The following C1QTNF2 variants were observed in gnomAD, a reference collection of about 807,000 sequenced individuals.
The protein encoded by C1QTNF2 is C1q and TNF related 2.
In C1QTNF2, 15 loss-of-function variants were observed where a neutral mutation model predicts 17.4. The ratio of observed to expected loss-of-function variants is 0.86; its 90% CI spans 0.58 to 1.33. The LOEUF (loss-of-function observed/expected upper bound fraction) is 1.33. Among genes scored for constraint, C1QTNF2 ranks in the 40% most tolerant of loss-of-function variants. C1QTNF2 has a pLI of 0.00. For missense variants in C1QTNF2, 381 were observed against 392.3 expected, an observed-to-expected ratio of 0.97 and a Z score of 0.24; for synonymous variants, 154 against 163.3, an observed-to-expected ratio of 0.94 and a Z score of 0.44.
At chr5:160,359,745 C>T (rs1273791045) in intron 1 of C1QTNF2, among the ~76,000 whole-genome samples, 1 of 152,192 alleles carries the variant, frequency 6.6e-6, no homozygotes, top group East Asian at 1.9e-4. Flanking sequence ...CCATAAGCCC[C>T]TCTGGTGTGT....
At chr5:160,362,058 TA>T (rs1764164909) in intron 1 of C1QTNF2, among the ~76,000 whole-genome samples, 2 of 152,196 alleles carry the variant, frequency 1.3e-5, no homozygotes, top group African/African-American at 4.8e-5. Flanking sequence ...AGCTGTTGAA[TA>T]ACCTTGAATG....
At chr5:160,350,971 T>C (rs1053123549) in intron 2 of C1QTNF2, among the ~76,000 whole-genome samples, 3 of 152,104 alleles carry the variant, frequency 2.0e-5, no homozygotes, top group Non-Finnish European at 4.4e-5. Context: ...AGGATGGTCT[T>C]AAACTCCTGA....
chr5:160,349,608 G>A lies in C1QTNF2; in HGVS notation c.418C>T (p.Pro140Ser), dbSNP rs778090670. 9 of 1,613,410 alleles carry A rather than the reference G, an allele frequency of 5.6e-6. No homozygotes were observed. Among genetic ancestry groups the A allele is most frequent in the South Asian group, 1.1e-5 (1 of 91,076 alleles). Residue 140 changes from proline (P) to serine (S), a missense_variant, in exon 3 of 3, where the codon CCC (proline) becomes TCC (serine). By Grantham distance (74) the Pro-to-Ser change is moderately conservative. Transcript: ENST00000652664. The surrounding 1 kb of genome is among the most constrained non-coding windows in gnomAD (Gnocchi z 4.3). ...GKKGEPGLPG[P>S]CSCGSGHTKS... ...GTATGGCCACTGCCACAGCTGCAGG[G>A]GCCTGGGAGGCCTGGCTCCCCCTTC...
At chr5:160,360,942 G>A (rs998541286) in intron 1 of C1QTNF2, among the ~76,000 whole-genome samples, 1 of 151,902 alleles carries the variant, frequency 6.6e-6, no homozygotes, top group African/African-American at 2.4e-5. Flanking sequence ...CTACAGGTGC[G>A]CACCACCATG....
Position 160,370,496 on chromosome 5 carries a change from G to T in C1QTNF2, c.-10+16C>A. On this transcript the variant is annotated intron_variant, in intron 1 of 2. Coordinates refer to ENST00000652664, the MANE Select transcript of C1QTNF2 (RefSeq NM_031908.6). ...GCACTTGCCGCCCCCGCCCGACCGCGGTGCGGGACACTCACCCTCGCGGCT... is the reference window on the plus strand; with the variant it reads ...GCACTTGCCGCCCCCGCCCGACCGCTGTGCGGGACACTCACCCTCGCGGCT... 1 of 1,435,302 alleles carries T rather than the reference G, an allele frequency of 7.0e-7. No homozygotes were observed. Among genetic ancestry groups the T allele is most frequent in the Non-Finnish European group, 9.1e-7 (1 of 1,100,924 alleles). The allele number at this position is 1,435,302 out of a possible 1,614,324, so 88.9% of individuals were successfully genotyped here.
intron 1 of C1QTNF2, among the ~76,000 whole-genome samples, chr5:160,366,540 C>G (rs544570718): frequency 6.6e-6 from 1 of 152,150 alleles, no homozygotes; most frequent in Non-Finnish European, 1.5e-5. Context: ...ACAGTGACCC[C>G]GTGAGGAGCT....
chr5:160,354,865 TCCTGGGGGGCCGGGTGGGC>T lies in C1QTNF2; in HGVS notation c.128_146del (p.Gly43GlufsTer8), dbSNP rs1463601127. On this transcript the variant is annotated frameshift_variant, in exon 2 of 3. Transcript: ENST00000652664. LOFTEE classifies it high-confidence loss of function. The stretch of plus-strand genomic sequence containing the variant: ...CCATCATTCCTGAGGGCCCTGGGGC[TCCTGGGGGGCCGGGTGGGC>T]CCTGGGGGCCAGGCAGGCTGCAGAC... The T allele has an allele frequency of 2.5e-6, 4 of 1,609,474 alleles. No individual in the cohort carries two copies. Among genetic ancestry groups the T allele is most frequent in the Non-Finnish European group, 3.4e-6 (4 of 1,178,320 alleles).
At position 160,354,789 on chromosome 5, in the gene C1QTNF2, G is replaced by A. The variant is rs115558158; in HGVS notation, c.223C>T (p.Arg75Trp). Reference protein sequence around the residue: ...KDGQDGHDGDRGDSGEEGPPG... With the variant: ...KDGQDGHDGDWGDSGEEGPPG... ...TTACCTTCCTCTCCGCTGTCCCCCC[G>A]GTCGCCGTCGTGTCCATCTTGGCCG... Residue 75 changes from arginine (R) to tryptophan (W), a missense_variant, in exon 2 of 3, where the codon CGG becomes TGG. By Grantham distance (101) the Arg-to-Trp change is moderately radical (BLOSUM62 -3). Coordinates refer to ENST00000652664, the MANE Select transcript of C1QTNF2 (RefSeq NM_031908.6). The A allele has an allele frequency of 3.2e-4, 521 of 1,613,554 alleles. 2 individuals carry two copies. The African/African-American group carries it at 5.7e-3, about 18-fold the overall frequency.
At chr5:160,354,287 C>A (rs1352233313) in intron 2 of C1QTNF2, among the ~76,000 whole-genome samples, 1 of 152,072 alleles carries the variant, frequency 6.6e-6, no homozygotes, top group Non-Finnish European at 1.5e-5. Flanking sequence ...TCAGAATAAA[C>A]TGCTCTGAGG....
chr5:160,363,193 A>G (rs1764185298), intron 1 of C1QTNF2, among the ~76,000 whole-genome samples: 1 of 152,172 alleles, frequency 6.6e-6, no homozygotes, highest in African/African-American at 2.4e-5. Flanking sequence ...ATAATAAAAA[A>G]CACTCCACGC....
chr5:160,357,815 G>C (rs1009393192), intron 1 of C1QTNF2, among the ~76,000 whole-genome samples: 2 of 151,502 alleles, frequency 1.3e-5, no homozygotes, highest in Non-Finnish European at 2.9e-5. Context: ...AGCCGGACGA[G>C]AGAGAGGGAG....
chr5:160,353,730 T>C (rs1187005035), intron 2 of C1QTNF2, among the ~76,000 whole-genome samples: 1 of 148,136 alleles, frequency 6.8e-6, no homozygotes, highest in Non-Finnish European at 1.5e-5. Flanking sequence ...GCCGTGACAA[T>C]GATATTTGAG....
At chr5:160,368,149 T>C (rs1470387832) in intron 1 of C1QTNF2, among the ~76,000 whole-genome samples, 6 of 152,182 alleles carry the variant, frequency 3.9e-5, no homozygotes, top group Non-Finnish European at 8.8e-5. Context: ...GTATGTGTGT[T>C]ATAGGAGTAA....
chr5:160,357,079 G>C (rs1357072172), intron 1 of C1QTNF2, among the ~76,000 whole-genome samples: 1 of 152,176 alleles, frequency 6.6e-6, no homozygotes, highest in East Asian at 1.9e-4. Flanking sequence ...CAGAGACACA[G>C]AGCAGTCTAG....
intron 1 of C1QTNF2, among the ~76,000 whole-genome samples, chr5:160,365,564 C>A (rs1180451558): frequency 6.6e-6 from 1 of 151,954 alleles, no homozygotes; most frequent in Non-Finnish European, 1.5e-5. Flanking sequence ...TGAGACCTCC[C>A]CCCACCTCAC....
chr5:160,361,208 A>G (rs1764148195), intron 1 of C1QTNF2, among the ~76,000 whole-genome samples: 1 of 152,212 alleles, frequency 6.6e-6, no homozygotes, highest in Non-Finnish European at 1.5e-5. Flanking sequence ...GCTAGGAGCT[A>G]AAGTGCCACA....
chr5:160,370,549 C>A lies in C1QTNF2; in HGVS notation c.-47G>T. 6.7e-7 allele frequency: 1 copy of A among 1,487,300 alleles called. No individual in the cohort carries two copies. The highest frequency in any genetic ancestry group is 8.9e-7 in the Non-Finnish European group (1 of 1,125,712). 92.1% of individuals were successfully genotyped at this position (1,487,300 alleles called of 1,614,324 possible). A position where few individuals can be genotyped will look rare whatever the true frequency, so the allele number is the denominator to read the frequency against. On this transcript the variant is annotated 5_prime_UTR_variant, in exon 1 of 3. Coordinates refer to ENST00000652664, the MANE Select transcript of C1QTNF2 (RefSeq NM_031908.6). ...CCGCCACGTCCAGGGGCGTCCGGAG[C>A]AAAGAAGCTCTCGGCGGGGCTCCGC... is the stretch of plus-strand genomic sequence containing the variant.
intron 1 of C1QTNF2, among the ~76,000 whole-genome samples, chr5:160,366,499 C>T (rs1446043511): frequency 6.6e-6 from 1 of 152,196 alleles, no homozygotes. Context: ...AGACCTGGGT[C>T]TGCTGTTTCC....
chr5:160,352,204 G>A (rs752017751), intron 2 of C1QTNF2, among the ~76,000 whole-genome samples: 12 of 152,152 alleles, frequency 7.9e-5, no homozygotes, highest in Non-Finnish European at 1.8e-4. Context: ...CCACCACGCA[G>A]CCTCCAAGTC....
Sources: allele counts gnomAD v4.1 joint callset (sites outside exome capture counted in the v4.1 genomes callset), GRCh38; gene constraint gnomAD v4.1.1; non-coding constraint Gnocchi (gnomAD v3.1); transcripts MANE v1.5; gene names NCBI Gene and HGNC (gene_info 2026-07-23, HGNC 2026-07-21).